Variants in ITGAE observed in about 807,000 individuals in gnomAD.
ITGAE encodes integrin alpha-E.
In ITGAE, 99 loss-of-function variants were observed where a neutral mutation model predicts 136.5. The ratio of observed to expected loss-of-function variants is 0.73; its 90% CI spans 0.62 to 0.86. The LOEUF is 0.86. Among genes scored for constraint, ITGAE ranks in the 40% least tolerant of loss-of-function variants. The pLI is 0.00. For synonymous variants in ITGAE, 613 were observed against 591.8 expected (o/e 1.04, Z -0.52); for missense variants, 1,447 against 1,515.3 (o/e 0.95, Z 0.75).
chr17:3,775,617 A>AC (rs1268209183), intron 2 of ITGAE, among the ~76,000 whole-genome samples: 4 of 144,336 alleles, frequency 2.8e-5, no homozygotes, highest in African/African-American at 1.0e-4. Flanking sequence ...CCGCCACCAC[A>AC]CCCAGCTAAT....
chr17:3,761,238 C>T, intron 5 of ITGAE, 61 bp from the exon 6 acceptor site: 1 of 1,581,890 alleles, frequency 6.3e-7, no homozygotes, highest in Non-Finnish European at 8.6e-7. Flanking sequence ...CCTGAGCACG[C>T]TCACACATGG....
chr17:3,762,221 G>A (rs922574512), intron 3 of ITGAE, among the ~76,000 whole-genome samples: 8 of 152,198 alleles, frequency 5.3e-5, no homozygotes, highest in Non-Finnish European at 1.0e-4. Flanking sequence ...GCCCATTGAC[G>A]TCTGCTCTGT....
At chr17:3,797,191 A>G (rs1392563004) in intron 1 of ITGAE, among the ~76,000 whole-genome samples, 3 of 115,194 alleles carry the variant, frequency 2.6e-5, no homozygotes, top group Admixed American at 1.1e-4. Context: ...TTTGAGACGG[A>G]GTCTCGCTCT....
At chr17:3,746,015 G>A in intron 17 of ITGAE, 88 bp from the exon 18 acceptor site, 1 of 1,258,724 alleles carries the variant, frequency 7.9e-7, no homozygotes, top group African/African-American at 1.5e-5. Context: ...GTTCCTTGTG[G>A]CCCCTCCTGA....
intron 6 of ITGAE, among the ~76,000 whole-genome samples, chr17:3,760,761 C>T (rs1331570269): frequency 6.6e-6 from 1 of 152,010 alleles, no homozygotes; most frequent in African/African-American, 2.4e-5. Context: ...GCTTTTGTCT[C>T]CCCCTTCAAA....
In ITGAE at chr17:3,777,577, A is replaced by G; in HGVS notation, c.118T>C (p.Ser40Pro). ...PKGGAPFVLSSLLHQDPSTNQ... is the reference protein window; with the variant it reads ...PKGGAPFVLSPLLHQDPSTNQ... Reference sequence around the variant, plus strand: ...GTGCTGGGGTCTTGGTGCAGAAGGGAGCTGAGCACGAAAGGGGCACCTCCC... The same window carrying G: ...GTGCTGGGGTCTTGGTGCAGAAGGGGGCTGAGCACGAAAGGGGCACCTCCC... The change falls in exon 2 of 31, where the codon TCC (serine) becomes CCC (proline). Residue 40 changes from serine to proline, a missense_variant. Coordinates refer to ENST00000263087, the MANE Select transcript of ITGAE (RefSeq NM_002208.5). 2 of 1,613,666 alleles carry G rather than the reference A, an allele frequency of 1.2e-6. No homozygotes were observed. The highest frequency in any genetic ancestry group is 1.7e-6 in the Non-Finnish European group (2 of 1,179,806).
chr17:3,766,828 TAATAATAATAATA>T (rs2052310604), intron 2 of ITGAE, among the ~76,000 whole-genome samples: 1 of 146,162 alleles, frequency 6.8e-6, no homozygotes, highest in African/African-American at 2.6e-5. Context: ...ATAATAATAA[TAATAATAATAATA>T]ATAATAAACC....
intron 1 of ITGAE, among the ~76,000 whole-genome samples, chr17:3,796,052 TGTGTGTGTGCATCC>T (rs1249199825): frequency 1.1e-3 from 16 of 15,120 alleles, no homozygotes; most frequent in African/African-American, 4.6e-3. Flanking sequence ...TGTGTGCATC[TGTGTGTGTGCATCC>T]GTGTTTGTGC....
At chr17:3,719,235 CAAA>C (rs746282209) in intron 29 of ITGAE, among the ~76,000 whole-genome samples, 7 of 66,246 alleles carry the variant, frequency 1.1e-4, no homozygotes, top group Admixed American at 1.7e-4. Flanking sequence ...GATTCTTCCT[CAAA>C]AAAAAAAAAA....
In ITGAE at chr17:3,750,500, C is replaced by A. The variant is rs745548895; in HGVS notation, c.1894-18G>T. ...CTGATCCGCTGTGGAGGCAGAAACA[C>A]AAGGCGTGGGGCGAGGGAAGGGAGG... is the stretch of plus-strand genomic sequence containing the variant. On this transcript the variant is annotated intron_variant, in intron 15 of 30. Coordinates refer to ENST00000263087, the MANE Select transcript of ITGAE (RefSeq NM_002208.5). The A allele has an allele frequency of 6.2e-7, 1 of 1,613,758 alleles. No individual in the cohort carries two copies. The highest frequency in any genetic ancestry group is 1.7e-5 in the Admixed American group (1 of 60,000).
intron 2 of ITGAE, among the ~76,000 whole-genome samples, chr17:3,764,803 C>T (rs1330238640): frequency 4.6e-5 from 7 of 152,206 alleles, no homozygotes; most frequent in African/African-American, 1.7e-4. Flanking sequence ...TTCTTGCCCC[C>T]ACCCAGGCCC....
chr17:3,773,625 T>G (rs2052477608), intron 2 of ITGAE, among the ~76,000 whole-genome samples: 1 of 152,216 alleles, frequency 6.6e-6, no homozygotes, highest in Non-Finnish European at 1.5e-5. Context: ...CCACATGTTC[T>G]GCTACCCAGA....
At chr17:3,789,843 G>T (rs2052896440) in intron 1 of ITGAE, among the ~76,000 whole-genome samples, 1 of 152,056 alleles carries the variant, frequency 6.6e-6, no homozygotes, top group Admixed American at 6.6e-5. Context: ...TTATAAAAAT[G>T]GCATGAAAAA....
At chr17:3,751,505 G>T in intron 15 of ITGAE, 145 bp downstream of exon 15, 1 of 694,254 alleles carries the variant, frequency 1.4e-6, no homozygotes, top group Non-Finnish European at 2.4e-6. Context: ...CCCCTAGCCT[G>T]GGGGACTTCT....
intron 2 of ITGAE, among the ~76,000 whole-genome samples, chr17:3,772,513 G>A (rs925588158): frequency 9.3e-5 from 14 of 151,076 alleles, no homozygotes; most frequent in African/African-American, 3.4e-4. Flanking sequence ...GCCCAGGCTG[G>A]AGTGCAGTGG....
In ITGAE at chr17:3,764,006, C is replaced by T. The variant is rs185891976; in HGVS notation, c.156-46G>A. The T allele has an allele frequency of 1.5e-5, 21 of 1,360,832 alleles. No individual in the cohort carries two copies. The East Asian group carries it at 2.3e-4, about 15-fold the overall frequency. 84.3% of individuals were successfully genotyped at this position (1,360,832 alleles called of 1,614,324 possible). On this transcript the variant is annotated intron_variant, in intron 2 of 30. Transcript: ENST00000263087. ...CAAAGCTGAGCTGGCTGATGTTCCT[C>T]GTCTTCTCCCTGCCTGCCCAGCACC...
intron 3 of ITGAE, among the ~76,000 whole-genome samples, chr17:3,763,124 C>T (rs1046220276): frequency 3.9e-5 from 6 of 152,106 alleles, no homozygotes; most frequent in African/African-American, 1.2e-4. Context: ...AACTCTGGAC[C>T]TCAAATGATC....
intron 15 of ITGAE, 34 bp from the exon 16 acceptor site, chr17:3,750,516 G>A: frequency 6.2e-7 from 1 of 1,612,862 alleles, no homozygotes; most frequent in Middle Eastern, 1.7e-4. Flanking sequence ...GTGGGGCGAG[G>A]GAAGGGAGGG....
At chr17:3,795,533 T>C (rs2053044978) in intron 1 of ITGAE, among the ~76,000 whole-genome samples, 1 of 152,194 alleles carries the variant, frequency 6.6e-6, no homozygotes, top group African/African-American at 2.4e-5. Context: ...AGATTGAATA[T>C]TTGTGTCTGG....
Sources: gnomAD v4.1 joint callset for allele counts (sites outside exome capture counted in the v4.1 genomes callset) on GRCh38, gnomAD v4.1.1 for gene constraint, MANE v1.5 for transcripts, NCBI Gene and HGNC (gene_info 2026-07-23, HGNC 2026-07-21) for gene names.